The following PKP4 variants were observed in gnomAD, a reference collection of about 807,000 sequenced individuals.
PKP4 encodes plakophilin-4.
PKP4 carries 90 observed loss-of-function variants against 145.1 expected under a neutral mutation model. The ratio of observed to expected loss-of-function variants is 0.62; its 90% confidence interval spans 0.52 to 0.74. PKP4 has a LOEUF of 0.74. Ranked by LOEUF, PKP4 falls within the 30% of genes least tolerant of loss-of-function variation. The probability of loss-of-function intolerance (pLI) is 0.00; values close to 1 mark genes in which losing one functional copy is unlikely to be tolerated. For synonymous variants in PKP4, 563 were observed against 577.2 expected (o/e 0.98, Z 0.35); for missense variants, 1,340 against 1,482.7 (o/e 0.90, Z 1.58).
At chr2:158,500,136 T>C (rs561829588) in intron 1 of PKP4, among the ~76,000 whole-genome samples, 1 of 152,340 alleles carries the variant, frequency 6.6e-6, no homozygotes, top group African/African-American at 2.4e-5. Flanking sequence ...ATCTTGCATA[T>C]TTGTTTCTAA....
chr2:158,466,177 G>A (rs959680858), intron 1 of PKP4, among the ~76,000 whole-genome samples: 4 of 152,160 alleles, frequency 2.6e-5, no homozygotes, highest in African/African-American at 9.7e-5. Flanking sequence ...TACCTTAAGT[G>A]AATGAATGAG....
chr2:158,677,181 C>A (rs2058083677), intron 20 of PKP4: 1 of 371,606 alleles, frequency 2.7e-6, no homozygotes, highest in African/African-American at 2.1e-5. Context: ...CCCCTCCTGG[C>A]TCGAGCAGTC....
At chr2:158,499,763 G>A (rs1696282132) in intron 1 of PKP4, among the ~76,000 whole-genome samples, 1 of 152,060 alleles carries the variant, frequency 6.6e-6, no homozygotes, top group East Asian at 1.9e-4. Context: ...AAAAAAAATT[G>A]GTAATACTTG....
intron 1 of PKP4, among the ~76,000 whole-genome samples, chr2:158,519,191 C>G (rs2042154466): frequency 6.6e-6 from 1 of 151,636 alleles, no homozygotes; most frequent in Admixed American, 6.6e-5. Flanking sequence ...TTAGGTCACT[C>G]TTATGAAATA....
intron 2 of PKP4, among the ~76,000 whole-genome samples, chr2:158,559,555 T>C (rs2105731904): frequency 6.6e-6 from 1 of 152,156 alleles, no homozygotes; most frequent in East Asian, 1.9e-4. Context: ...AAGCATTCAG[T>C]TTAGAGATGG....
intron 1 of PKP4, among the ~76,000 whole-genome samples, chr2:158,503,810 A>C (rs571889359): frequency 1.3e-5 from 2 of 152,274 alleles, no homozygotes; most frequent in African/African-American, 4.8e-5. Context: ...GTGCTTGTCA[A>C]CCTTGAATGT....
intron 3 of PKP4, among the ~76,000 whole-genome samples, chr2:158,583,821 C>T (rs1574619265): frequency 6.6e-6 from 1 of 152,022 alleles, no homozygotes; most frequent in Admixed American, 6.5e-5. Flanking sequence ...TTTAAACAAT[C>T]TTTTTTTAAT....
chr2:158,679,593 G>T (rs570597946), intron 21 of PKP4, among the ~76,000 whole-genome samples: 19 of 152,306 alleles, frequency 1.2e-4, no homozygotes, highest in Middle Eastern at 3.4e-3. Context: ...TAAGTAGGGG[G>T]ATTTGGGCAT....
At chr2:158,564,639 T>G (rs2046825945) in intron 2 of PKP4, among the ~76,000 whole-genome samples, 1 of 152,096 alleles carries the variant, frequency 6.6e-6, no homozygotes, top group Non-Finnish European at 1.5e-5. Flanking sequence ...TCCCCCCAGT[T>G]CCTCACCAGC....
chr2:158,552,249 A>G (rs2045696315), intron 2 of PKP4, among the ~76,000 whole-genome samples: 1 of 152,244 alleles, frequency 6.6e-6, no homozygotes, highest in Non-Finnish European at 1.5e-5. Context: ...AGCCTCTGGA[A>G]TGAGTACGTC....
chr2:158,584,538 T>C (rs1479685825), intron 3 of PKP4, among the ~76,000 whole-genome samples: 2 of 152,210 alleles, frequency 1.3e-5, no homozygotes, highest in Non-Finnish European at 2.9e-5. Flanking sequence ...ACTGGAAGGA[T>C]AGGCCAGGCA....
intron 2 of PKP4, among the ~76,000 whole-genome samples, chr2:158,556,797 A>G (rs924544296): frequency 6.6e-6 from 1 of 152,210 alleles, no homozygotes; most frequent in Non-Finnish European, 1.5e-5. Context: ...ATAATGTCAA[A>G]GAAAGGCTTA....
intron 11 of PKP4, among the ~76,000 whole-genome samples, chr2:158,654,567 G>A (rs974297983): frequency 9.2e-5 from 14 of 152,074 alleles, no homozygotes; most frequent in East Asian, 1.9e-4. Context: ...TGACTTTTCC[G>A]ATTCTGGGAG....
chr2:158,499,634 C>A, intron 1 of PKP4, among the ~76,000 whole-genome samples: 1 of 152,230 alleles, frequency 6.6e-6, no homozygotes, highest in Non-Finnish European at 1.5e-5. Context: ...CAGAGCACCA[C>A]TGACCCCTCC....
Position 158,577,258 on chromosome 2 carries a change from T to G in PKP4, c.133-13T>G, listed in dbSNP as rs768653501. 7 of 1,590,338 alleles carry G rather than the reference T, an allele frequency of 4.4e-6. No individual in the cohort carries two copies. The African/African-American group carries it at 9.4e-5, about 21-fold the overall frequency. ...TTGGCGCCTTATATGCCTTTTATTTTCTTGAATCACAGGAGCTTCAGTTTC... is the reference window on the plus strand; with the variant it reads ...TTGGCGCCTTATATGCCTTTTATTTGCTTGAATCACAGGAGCTTCAGTTTC... On this transcript the variant is annotated splice_polypyrimidine_tract_variant and intron_variant, in intron 2 of 21. Transcript: ENST00000389759.
chr2:158,625,315 A>G lies in PKP4; in HGVS notation c.1041A>G (p.Pro347=). The G allele has an allele frequency of 6.2e-7, 1 of 1,614,222 alleles. No individual in the cohort carries two copies. Among genetic ancestry groups the G allele is most frequent in the African/African-American group, 1.3e-5 (1 of 75,058 alleles). The change falls in exon 7 of 22, where the codon CCA becomes CCG. Residue 347 remains proline (P), a synonymous_variant. Coordinates refer to ENST00000389759, the MANE Select transcript of PKP4 (RefSeq NM_003628.6). ...AACGCTCAGGGATGACCGCCGTACC[A>G]CAGCATCTGGGACCTTCACTGCAAA... is the stretch of plus-strand genomic sequence containing the variant. ...SPKRSGMTAV[P]QHLGPSLQRT...
chr2:158,555,753 A>G (rs965472805), intron 2 of PKP4, among the ~76,000 whole-genome samples: 5 of 152,192 alleles, frequency 3.3e-5, no homozygotes, highest in Non-Finnish European at 2.9e-5. Flanking sequence ...TGATCATGAT[A>G]TAATTCGTAG....
rs370614643 is a variant in PKP4, at chr2:158,625,210, G to A, written c.936G>A (p.Val312=). The A allele has an allele frequency of 4.3e-6, 7 of 1,613,988 alleles. No individual in the cohort carries two copies. In the African/African-American group the frequency reaches 9.3e-5, roughly 22 times the overall value. ...PTPQYQTTAR[V]GSPLTLTDAQ... ...CTCAATACCAAACCACCGCCAGAGT[G>A]GGGTCCCCACTGACCCTGACGGATG... Residue 312 remains valine (V), a synonymous_variant, in exon 7 of 22, where the codon GTG becomes GTA. Transcript: ENST00000389759.
In PKP4 at chr2:158,621,337, C is replaced by A. The variant is rs1287429240; in HGVS notation, c.519C>A (p.Asp173Glu). 1 of 1,614,112 alleles carries A rather than the reference C, an allele frequency of 6.2e-7. No individual in the cohort carries two copies. Residue 173 changes from aspartate to glutamate, a missense_variant, in exon 6 of 22, where the codon GAC (aspartate) becomes GAA (glutamate). Transcript: ENST00000389759. ...FHNSQNVSKADNRQQHSFIGS... is the reference protein window; with the variant it reads ...FHNSQNVSKAENRQQHSFIGS... ...ACAGCCAGAACGTGAGCAAGGCAGACAACAGACAGCAGCATTCATTCATAG... is the reference window on the plus strand; with the variant it reads ...ACAGCCAGAACGTGAGCAAGGCAGAAAACAGACAGCAGCATTCATTCATAG...
Sources: gnomAD v4.1 joint callset for allele counts (sites outside exome capture counted in the v4.1 genomes callset) on GRCh38, gnomAD v4.1.1 for gene constraint, MANE v1.5 for transcripts, NCBI Gene and HGNC (gene_info 2026-07-23, HGNC 2026-07-21) for gene names.